The following JAK2 variants were observed in gnomAD, a reference collection of about 807,000 sequenced individuals.
JAK2 encodes the protein Janus kinase 2.
A neutral mutation model predicts 139.3 loss-of-function variants in JAK2; 86 were observed. The observed-to-expected ratio is 0.62, with a 90% CI of 0.52 to 0.74. JAK2 has a LOEUF of 0.74. JAK2 is among the 30% of genes least tolerant of loss of function. The probability of loss-of-function intolerance (pLI) is 0.00; values close to 1 mark genes in which losing one functional copy is unlikely to be tolerated. For missense variants in JAK2, 1,421 were observed against 1,360.3 expected (o/e 1.04, Z -0.70); for synonymous variants, 490 against 437.7 (o/e 1.12, Z -1.49).
At chr9:5,066,214 G>C (rs1818557616) in intron 9 of JAK2, among the ~76,000 whole-genome samples, 1 of 152,056 alleles carries the variant, frequency 6.6e-6, no homozygotes, top group Admixed American at 6.5e-5. Context: ...GTCTTTGTCA[G>C]TTGCCATGGT....
chr9:5,081,544 G>C (rs1160249351), intron 18 of JAK2, among the ~76,000 whole-genome samples, 181 bp from the exon 19 acceptor site: 2 of 152,082 alleles, frequency 1.3e-5, no homozygotes, highest in African/African-American at 2.4e-5. Context: ...TCTCTTGAAG[G>C]CCTGTCAGAT....
rs896375158 is a variant in JAK2, at chr9:5,104,553, C to A, written c.3059+13642C>A. Among the ~76,000 whole-genome samples the A allele has an allele frequency of 2.0e-5, 3 of 152,210 alleles. No homozygotes were observed. The South Asian group carries it at 6.2e-4, about 32-fold the overall frequency. ...GAAAAAGAGGGAATCCTCCCTAACT[C>A]ATTTTATGAGGCCAGCATCAGCCCG... On this transcript the variant is annotated intron_variant, in intron 22 of 24. Coordinates refer to ENST00000381652, the MANE Select transcript of JAK2 (RefSeq NM_004972.4).
At chr9:5,091,690 G>GT (rs1454281445) in intron 22 of JAK2, 3 of 152,096 alleles carry the variant, frequency 2.0e-5, no homozygotes, top group African/African-American at 7.2e-5. Flanking sequence ...ATGGTTTTTG[G>GT]TATAGACTTT....
At chr9:5,092,554 G>A (rs182144484) in intron 22 of JAK2, among the ~76,000 whole-genome samples, 1 of 152,166 alleles carries the variant, frequency 6.6e-6, no homozygotes, top group Non-Finnish European at 1.5e-5. Flanking sequence ...CAAAAGAATA[G>A]GCAATAGAAA....
At chr9:5,084,778 A>G (rs76614483) in intron 19 of JAK2, among the ~76,000 whole-genome samples, 4 of 152,336 alleles carry the variant, frequency 2.6e-5, no homozygotes, top group East Asian at 1.9e-4. Context: ...AGACACCTCA[A>G]TTAGAATTTA....
chr9:5,008,143 C>G (rs796329588), intron 2 of JAK2, among the ~76,000 whole-genome samples: 3 of 152,230 alleles, frequency 2.0e-5, no homozygotes, highest in African/African-American at 7.2e-5. Context: ...TTGTTCAGTA[C>G]TTTTAAGAAT....
At chr9:5,069,368 T>C (rs1818791435) in intron 11 of JAK2, among the ~76,000 whole-genome samples, 160 bp downstream of exon 11, 1 of 152,174 alleles carries the variant, frequency 6.6e-6, no homozygotes, top group African/African-American at 2.4e-5. Flanking sequence ...AATAAGATTG[T>C]TTACTTTGGT....
intron 9 of JAK2, 39 bp downstream of exon 9, chr9:5,065,079 T>C: frequency 7.5e-7 from 1 of 1,328,946 alleles, no homozygotes; most frequent in Non-Finnish European, 1.0e-6. Flanking sequence ...TTTAGAAAAG[T>C]AAATGCTGTA....
intron 2 of JAK2, among the ~76,000 whole-genome samples, chr9:4,996,178 G>A (rs1347644563): frequency 6.6e-6 from 1 of 152,158 alleles, no homozygotes; most frequent in South Asian, 2.1e-4. Context: ...ATTTTAGAGG[G>A]TCAAATTTAG....
chr9:5,049,089 T>C (rs925722908), intron 5 of JAK2, among the ~76,000 whole-genome samples: 11 of 152,228 alleles, frequency 7.2e-5, no homozygotes, highest in African/African-American at 2.4e-4. Flanking sequence ...AATAAAGTTA[T>C]CAGCCTTTTT....
chr9:5,085,666 G>C (rs897199631), intron 19 of JAK2: 1 of 725,972 alleles, frequency 1.4e-6, no homozygotes, highest in African/African-American at 1.7e-5. Context: ...TTTCCTTTTC[G>C]AGAACGTGCA....
chr9:5,064,765 A>T (rs2130490117), intron 8 of JAK2, 118 bp from the exon 9 acceptor site: 1 of 675,618 alleles, frequency 1.5e-6, no homozygotes, highest in East Asian at 2.8e-5. Context: ...CTGAGCCATA[A>T]AAGATATGAG....
At position 5,126,949 on chromosome 9, in the gene JAK2, G is replaced by C. The variant is rs577084695; in HGVS notation, c.*158G>C. ...ATCTGCTCAAAACTTTCAAAGTTTA[G>C]TAAGTTTTTCTTCATGAGGCCACCA... is the stretch of plus-strand genomic sequence containing the variant. On this transcript the variant is annotated 3_prime_UTR_variant, in exon 25 of 25. Coordinates refer to ENST00000381652, the MANE Select transcript of JAK2 (RefSeq NM_004972.4). The C allele has an allele frequency of 2.7e-4, 112 of 412,096 alleles. 1 individual carries two copies. The East Asian group carries it at 4.2e-3, about 15-fold the overall frequency. 25.5% of individuals were successfully genotyped at this position (412,096 alleles called of 1,614,324 possible).
intron 8 of JAK2, among the ~76,000 whole-genome samples, chr9:5,057,568 G>T (rs12338854): frequency 1.4e-5 from 2 of 146,636 alleles, no homozygotes; most frequent in Non-Finnish European, 3.0e-5. Flanking sequence ...CTTGCAACCA[G>T]CATTCTACTT....
chr9:5,111,779 TCCA>T, intron 22 of JAK2: 1 of 421,066 alleles, frequency 2.4e-6, no homozygotes, highest in East Asian at 6.4e-5. Flanking sequence ...TCCGGCTGCA[TCCA>T]CCTTCTCCTT....
At chr9:5,076,083 T>C (rs1819289539) in intron 14 of JAK2, among the ~76,000 whole-genome samples, 1 of 152,162 alleles carries the variant, frequency 6.6e-6, no homozygotes, top group Admixed American at 6.5e-5. Flanking sequence ...TGCTACAATC[T>C]CACGATAAGC....
At chr9:5,003,777 G>A (rs571443470) in intron 2 of JAK2, among the ~76,000 whole-genome samples, 14 of 152,080 alleles carry the variant, frequency 9.2e-5, no homozygotes, top group South Asian at 2.1e-4. Context: ...TGATTGTTAC[G>A]TTTTTGAACT....
chr9:5,034,852 C>T (rs534763769), intron 4 of JAK2, among the ~76,000 whole-genome samples: 1 of 152,080 alleles, frequency 6.6e-6, no homozygotes, highest in Non-Finnish European at 1.5e-5. Context: ...CAAACACATT[C>T]AAAAGCTAGC....
intron 4 of JAK2, among the ~76,000 whole-genome samples, chr9:5,030,232 C>G (rs1371791835): frequency 1.3e-5 from 2 of 152,022 alleles, no homozygotes; most frequent in Admixed American, 6.6e-5. Flanking sequence ...GTTTGTGCAG[C>G]GTTTTGTGCA....
Sources: allele counts gnomAD v4.1 joint callset (sites outside exome capture counted in the v4.1 genomes callset), GRCh38; gene constraint gnomAD v4.1.1; transcripts MANE v1.5; gene names NCBI Gene and HGNC (gene_info 2026-07-23, HGNC 2026-07-21).